COL28A1: variants seen among roughly 807,000 people sequenced by gnomAD.
COL28A1 encodes the protein collagen alpha-1(XXVIII) chain.
A neutral mutation model predicts 150.2 loss-of-function variants in COL28A1; 161 were observed. That is an observed-to-expected ratio of 1.07 (90% CI 0.94 to 1.22). COL28A1 has a LOEUF of 1.22. Ranked by LOEUF, COL28A1 falls within the 50% of genes most tolerant of loss-of-function variation. COL28A1 has a pLI of 0.00. For missense variants in COL28A1, 1,617 were observed against 1,388.3 expected (o/e 1.16, Z -2.62); for synonymous variants, 552 against 469.7 (o/e 1.18, Z -2.26).
chr7:7,409,097 A>G (rs1783644454), intron 27 of COL28A1, among the ~76,000 whole-genome samples: 1 of 152,122 alleles, frequency 6.6e-6, no homozygotes, highest in Non-Finnish European at 1.5e-5. Context: ...AGAGTATAAT[A>G]TTTCCCTACC....
chr7:7,446,847 G>A (rs1022871249), intron 18 of COL28A1, among the ~76,000 whole-genome samples: 8 of 152,306 alleles, frequency 5.3e-5, no homozygotes, highest in African/African-American at 1.7e-4. Context: ...GGTATCAAAA[G>A]TTCACAGAGT....
intron 13 of COL28A1, 88 bp downstream of exon 13, chr7:7,489,301 G>T: frequency 2.5e-6 from 2 of 804,382 alleles, no homozygotes; most frequent in Non-Finnish European, 4.4e-6. Flanking sequence ...ATACAAGGTG[G>T]ATTAATCTGA....
chr7:7,389,512 A>G (rs1782405121), intron 27 of COL28A1, among the ~76,000 whole-genome samples: 1 of 152,218 alleles, frequency 6.6e-6, no homozygotes, highest in Non-Finnish European at 1.5e-5. Context: ...TATTTAAAGT[A>G]GATTTTTCTA....
intron 2 of COL28A1, among the ~76,000 whole-genome samples, chr7:7,532,547 T>C (rs1046546197): frequency 1.1e-4 from 16 of 152,160 alleles, no homozygotes; most frequent in East Asian, 1.9e-4. Context: ...TCAAATGAGA[T>C]AATAAGTGCA....
At chr7:7,340,384 T>C in the COL28A1 span, among the ~76,000 whole-genome samples, 1 of 152,098 alleles carries the variant, frequency 6.6e-6, no homozygotes, top group Non-Finnish European at 1.5e-5. Context: ...AGGAGTGTGC[T>C]CTCATCTGAA....
chr7:7,444,657 A>C (rs1430247134), intron 18 of COL28A1, among the ~76,000 whole-genome samples, 168 bp from the exon 19 acceptor site: 1 of 152,062 alleles, frequency 6.6e-6, no homozygotes, highest in Non-Finnish European at 1.5e-5. Context: ...CCTAGGCCTT[A>C]GTTTTTGATT....
chr7:7,442,412 C>T (rs1222486595), intron 20 of COL28A1, among the ~76,000 whole-genome samples: 1 of 152,132 alleles, frequency 6.6e-6, no homozygotes, highest in Admixed American at 6.5e-5. Context: ...AAAAACACAT[C>T]CTAAAAACAA....
chr7:7,429,193 T>TCAGAG lies in COL28A1; in HGVS notation c.1998+3279_1998+3280insCTCTG, dbSNP rs540033014. The stretch of plus-strand genomic sequence containing the variant: ...AGCTTAAATGAAAAACATATCAGGA[T>TCAGAG]CCATATGGCTCTACTACCACACACA... On this transcript the variant is annotated intron_variant, in intron 25 of 34. Coordinates refer to ENST00000399429, the MANE Select transcript of COL28A1 (RefSeq NM_001037763.3). Among the ~76,000 whole-genome samples the TCAGAG allele has an allele frequency of 3.9e-4, 59 of 152,198 alleles. No homozygotes were observed. In the South Asian group the frequency reaches 0.012, roughly 32 times the overall value.
chr7:7,404,325 T>A (rs1186811245), intron 27 of COL28A1, among the ~76,000 whole-genome samples: 1 of 151,688 alleles, frequency 6.6e-6, no homozygotes, highest in African/African-American at 2.4e-5. Context: ...ACAGTTACTC[T>A]TTCAAAGAGT....
intron 27 of COL28A1, among the ~76,000 whole-genome samples, chr7:7,417,061 G>A (rs916569178): frequency 1.3e-5 from 2 of 151,728 alleles, no homozygotes; most frequent in Non-Finnish European, 2.9e-5. Context: ...CAGTGGAATC[G>A]GAAAAAAAGA....
At chr7:7,341,457 TGCGTTGGC>T in the COL28A1 span, among the ~76,000 whole-genome samples, 1 of 152,120 alleles carries the variant, frequency 6.6e-6, no homozygotes, top group African/African-American at 2.4e-5. Context: ...CAGGCTGGAG[TGCGTTGGC>T]ATGATCATGG....
intron 15 of COL28A1, among the ~76,000 whole-genome samples, chr7:7,465,528 A>C (rs905671585): frequency 2.9e-5 from 4 of 137,760 alleles, no homozygotes; most frequent in African/African-American, 1.1e-4. Flanking sequence ...AGGCTGGGGG[A>C]GGGGCGCCCG....
In COL28A1 at chr7:7,453,510, T is replaced by C. The variant is rs775407917; in HGVS notation, c.1372-2A>G. 9 of 1,057,534 alleles carry C rather than the reference T, an allele frequency of 8.5e-6. No individual in the cohort carries two copies. Among genetic ancestry groups the C allele is most frequent in the Non-Finnish European group, 5.9e-6 (4 of 681,996 alleles). The allele number at this position is 1,057,534 out of a possible 1,614,324, so 65.5% of individuals were successfully genotyped here. ...TGGACCAATAGGACCTTGGATTCCC[T>C]TTAAAATAAAATTTTATAAAATAGT... On this transcript the variant is annotated splice_acceptor_variant, in intron 16 of 34. Transcript: ENST00000399429. LOFTEE classifies it high-confidence loss of function.
In COL28A1 at chr7:7,358,812, T is replaced by G. The variant is rs1360950411; in HGVS notation, c.3206-7A>C. ...GCTTCCAAACATCTAGGATCTAGAG[T>G]GAGAAAAGGAAAATGTGTCACGGAT... On this transcript the variant is annotated splice_polypyrimidine_tract_variant and splice_region_variant and intron_variant, in intron 34 of 34. Transcript: ENST00000399429. The G allele has an allele frequency of 6.2e-7, 1 of 1,602,184 alleles. No homozygotes were observed. Among genetic ancestry groups the G allele is most frequent in the Non-Finnish European group, 8.5e-7 (1 of 1,175,136 alleles).
the COL28A1 span, among the ~76,000 whole-genome samples, chr7:7,543,402 T>C: frequency 6.6e-6 from 1 of 152,250 alleles, no homozygotes; most frequent in Admixed American, 6.5e-5. Context: ...TTTTTCTTAT[T>C]CAACTGTTAC....
At chr7:7,343,401 C>T in the COL28A1 span, among the ~76,000 whole-genome samples, 1 of 151,936 alleles carries the variant, frequency 6.6e-6, no homozygotes, top group Non-Finnish European at 1.5e-5. Context: ...TATTTTTAAT[C>T]TCTTCATCTT....
At chr7:7,345,119 T>C in the COL28A1 span, among the ~76,000 whole-genome samples, 1 of 152,058 alleles carries the variant, frequency 6.6e-6, no homozygotes, top group Non-Finnish European at 1.5e-5. Flanking sequence ...CAGCACCATA[T>C]TATGTTATTT....
At chr7:7,421,480 T>A (rs936789785) in intron 25 of COL28A1, among the ~76,000 whole-genome samples, 1 of 151,936 alleles carries the variant, frequency 6.6e-6, no homozygotes, top group Admixed American at 6.6e-5. Flanking sequence ...AATAAAGTAA[T>A]AAAGAAAAAA....
intron 15 of COL28A1, among the ~76,000 whole-genome samples, chr7:7,465,112 C>T (rs1787957035): frequency 3.3e-5 from 5 of 150,738 alleles, no homozygotes. Context: ...GCCAAGATGG[C>T]CGAATAGGAA....
Sources: gnomAD v4.1 joint callset for allele counts (sites outside exome capture counted in the v4.1 genomes callset) on GRCh38, gnomAD v4.1.1 for gene constraint, MANE v1.5 for transcripts, NCBI Gene and HGNC (gene_info 2026-07-23, HGNC 2026-07-21) for gene names.